GPC5: variants seen among roughly 807,000 people sequenced by gnomAD.
GPC5 encodes glypican 5.
Under a neutral mutation model 53.9 loss-of-function variants are expected in GPC5, and 47 were observed. The observed-to-expected ratio is 0.87, with a 90% CI of 0.69 to 1.11. The LOEUF is 1.11. GPC5 is among the 50% of genes most tolerant of loss of function. The pLI is 0.00. For missense variants in GPC5, 748 were observed against 713.1 expected (o/e 1.05, Z -0.56); for synonymous variants, 286 against 263.3 (o/e 1.09, Z -0.84).
At chr13:92,630,521 T>C (rs1175733216) in intron 7 of GPC5, among the ~76,000 whole-genome samples, 3 of 152,104 alleles carry the variant, frequency 2.0e-5, no homozygotes, top group African/African-American at 7.2e-5. Flanking sequence ...TCTGACATAA[T>C]AAATGAAAAC....
At chr13:92,084,335 C>T (rs1274755274) in intron 6 of GPC5, among the ~76,000 whole-genome samples, 1 of 152,116 alleles carries the variant, frequency 6.6e-6, no homozygotes, top group Non-Finnish European at 1.5e-5. Context: ...CTTGCTATAT[C>T]ACGTGGGTCA....
intron 7 of GPC5, among the ~76,000 whole-genome samples, chr13:92,230,642 A>G (rs931979011): frequency 6.6e-6 from 1 of 152,178 alleles, no homozygotes; most frequent in Non-Finnish European, 1.5e-5. Flanking sequence ...TTAACTTTCC[A>G]TAACTGTAGC....
At chr13:92,445,866 C>T (rs1355354678) in intron 7 of GPC5, among the ~76,000 whole-genome samples, 1 of 152,120 alleles carries the variant, frequency 6.6e-6, no homozygotes, top group Non-Finnish European at 1.5e-5. Context: ...TGGCCTTGAA[C>T]TCCTAGCTTC....
chr13:91,699,492 T>G (rs2035950954), intron 3 of GPC5, among the ~76,000 whole-genome samples: 1 of 152,216 alleles, frequency 6.6e-6, no homozygotes, highest in Admixed American at 6.5e-5. Flanking sequence ...AAAGATATTA[T>G]TTTTACCTTT....
At chr13:92,771,905 CA>C (rs1190342212) in intron 7 of GPC5, among the ~76,000 whole-genome samples, 2 of 152,094 alleles carry the variant, frequency 1.3e-5, no homozygotes, top group African/African-American at 4.8e-5. Flanking sequence ...ATAGGAAAAT[CA>C]AATTTCATTC....
intron 7 of GPC5, among the ~76,000 whole-genome samples, chr13:92,312,854 G>A (rs1025215365): frequency 4.6e-5 from 7 of 152,072 alleles, no homozygotes; most frequent in East Asian, 1.9e-4. Flanking sequence ...ATACATAAGC[G>A]ATTTCTGAAA....
chr13:92,280,064 A>G (rs1464025575), intron 7 of GPC5, among the ~76,000 whole-genome samples: 2 of 151,900 alleles, frequency 1.3e-5, no homozygotes, highest in Non-Finnish European at 2.9e-5. Context: ...TAGGTTTTTG[A>G]TTATTCAGTT....
intron 6 of GPC5, among the ~76,000 whole-genome samples, chr13:92,074,304 G>A (rs574032015): frequency 2.6e-5 from 4 of 152,236 alleles, no homozygotes; most frequent in Admixed American, 2.6e-4. Flanking sequence ...ATGAGAATAG[G>A]AATTGGTAAA....
intron 7 of GPC5, among the ~76,000 whole-genome samples, chr13:92,381,077 A>C (rs1196819599): frequency 4.6e-5 from 7 of 152,184 alleles, no homozygotes; most frequent in African/African-American, 1.7e-4. Flanking sequence ...TCTTGCAGAA[A>C]TAATTAAATA....
intron 7 of GPC5, chr13:92,721,727 C>T (rs982778956): frequency 6.6e-6 from 1 of 152,040 alleles, no homozygotes; most frequent in Non-Finnish European, 1.5e-5. Flanking sequence ...GGGGAAAATA[C>T]TTTCCAGTGT....
At chr13:92,329,995 C>G (rs1384944272) in intron 7 of GPC5, among the ~76,000 whole-genome samples, 2 of 133,798 alleles carry the variant, frequency 1.5e-5, no homozygotes, top group Non-Finnish European at 3.2e-5. Context: ...TTAAGTTATA[C>G]AAACAAAACT....
At chr13:92,730,593 T>A (rs1298450932) in intron 7 of GPC5, among the ~76,000 whole-genome samples, 1 of 146,890 alleles carries the variant, frequency 6.8e-6, no homozygotes. Context: ...CTTGCTTTTT[T>A]CTTTTTATTT....
At chr13:92,677,089 AACTT>A (rs1438357003) in intron 7 of GPC5, among the ~76,000 whole-genome samples, 1 of 152,184 alleles carries the variant, frequency 6.6e-6, no homozygotes. Context: ...GTAGAACAAA[AACTT>A]AAAGTAATTG....
chr13:92,829,211 T>C (rs1262871356), intron 7 of GPC5, among the ~76,000 whole-genome samples: 1 of 152,120 alleles, frequency 6.6e-6, no homozygotes, highest in Non-Finnish European at 1.5e-5. Context: ...AATTGTCACA[T>C]TGCCACAATA....
intron 6 of GPC5, among the ~76,000 whole-genome samples, chr13:92,124,248 G>GAAAAAA (rs34042033): frequency 5.1e-4 from 28 of 54,984 alleles, no homozygotes; most frequent in African/African-American, 1.1e-3. Context: ...CGGACAGAAT[G>GAAAAAA]AAAAAAAAAA....
At chr13:91,592,170 T>C (rs77924033) in intron 2 of GPC5, among the ~76,000 whole-genome samples, 11,343 of 152,204 alleles carry the variant, frequency 0.075, 673 homozygotes, top group South Asian at 0.25. Context: ...GCTGAACGCT[T>C]GTCCTTGGCT....
chr13:91,645,745 T>C (rs1282554693), intron 2 of GPC5, among the ~76,000 whole-genome samples: 1 of 152,232 alleles, frequency 6.6e-6, no homozygotes, highest in Non-Finnish European at 1.5e-5. Context: ...TTGTCCTCTA[T>C]GCTGATGTTT....
At chr13:91,924,223 ATACT>A (rs1338959459) in intron 6 of GPC5, among the ~76,000 whole-genome samples, 1 of 152,222 alleles carries the variant, frequency 6.6e-6, no homozygotes, top group Non-Finnish European at 1.5e-5. Context: ...CAAGTTATTC[ATACT>A]TAATTCTGAT....
chr13:91,564,458 T>C (rs2138942204), intron 2 of GPC5, among the ~76,000 whole-genome samples: 1 of 152,296 alleles, frequency 6.6e-6, no homozygotes, highest in Non-Finnish European at 1.5e-5. Context: ...GGCTTTATAC[T>C]TTCTGCCATT....
Sources: allele counts gnomAD v4.1 joint callset (sites outside exome capture counted in the v4.1 genomes callset), GRCh38; gene constraint gnomAD v4.1.1; transcripts MANE v1.5; gene names NCBI Gene and HGNC (gene_info 2026-07-23, HGNC 2026-07-21).